Variants in PCCB observed in about 807,000 individuals in gnomAD.
The protein encoded by PCCB is propionyl-CoA carboxylase beta chain, mitochondrial.
Under a neutral mutation model 60.7 loss-of-function variants are expected in PCCB, and 43 were observed. The observed-to-expected ratio is 0.71, with a 90% CI of 0.55 to 0.91. The LOEUF is 0.91. Ranked by LOEUF, PCCB falls within the 40% of genes least tolerant of loss-of-function variation. The probability of loss-of-function intolerance (pLI) is 0.00; values close to 1 mark genes in which losing one functional copy is unlikely to be tolerated. For missense variants in PCCB, 766 were observed against 702.8 expected, an observed-to-expected ratio of 1.09 and a Z score of -1.02; for synonymous variants, 276 against 255.9, an observed-to-expected ratio of 1.08 and a Z score of -0.75.
intron 5 of PCCB, among the ~76,000 whole-genome samples, chr3:136,269,639 A>C (rs974420593): frequency 6.6e-6 from 1 of 151,890 alleles, no homozygotes. Context: ...TGATCCCAGC[A>C]CTTTGGGAGG....
chr3:136,327,758 C>T, intron 13 of PCCB, 26 bp downstream of exon 13: 1 of 1,570,584 alleles, frequency 6.4e-7, no homozygotes, highest in Non-Finnish European at 8.8e-7. Context: ...TTTTCCCTTT[C>T]TGGGTCCAAG....
intron 9 of PCCB, among the ~76,000 whole-genome samples, chr3:136,307,804 T>C (rs1230008452): frequency 1.3e-5 from 2 of 151,714 alleles, no homozygotes; most frequent in Non-Finnish European, 1.5e-5. Flanking sequence ...GGAGAAACCC[T>C]ATCTCTACTG....
At chr3:136,318,953 G>C (rs1935011001) in intron 10 of PCCB, among the ~76,000 whole-genome samples, 1 of 152,184 alleles carries the variant, frequency 6.6e-6, no homozygotes, top group African/African-American at 2.4e-5. Context: ...ACTGGGTTAT[G>C]TGGTAATTCT....
chr3:136,281,525 GT>G (rs1435965064), intron 5 of PCCB, among the ~76,000 whole-genome samples: 1 of 151,894 alleles, frequency 6.6e-6, no homozygotes, highest in African/African-American at 2.4e-5. Context: ...ATTTCCTGTA[GT>G]TTTTTCCCCC....
In PCCB at chr3:136,330,032, T is replaced by C; in HGVS notation, c.*6T>C. The C allele has an allele frequency of 1.2e-6, 2 of 1,613,962 alleles. No homozygotes were observed. Among genetic ancestry groups the C allele is most frequent in the Non-Finnish European group, 1.7e-6 (2 of 1,179,920 alleles). ...ATGCAAATATTCCATTGTAAACAAA[T>C]CAAAGGAAAAGAAACCAAGAACTGA... On this transcript the variant is annotated 3_prime_UTR_variant, in exon 15 of 15. Coordinates refer to ENST00000251654, the MANE Select transcript of PCCB (RefSeq NM_000532.5).
At chr3:136,320,146 A>G (rs9853387) in intron 10 of PCCB, among the ~76,000 whole-genome samples, 56,672 of 151,998 alleles carry the variant, frequency 0.37, 11,669 homozygotes, top group African/African-American at 0.55. Flanking sequence ...TTCCAACTTT[A>G]TTGTTGTTCT....
chr3:136,288,063 G>A lies in PCCB; in HGVS notation c.654+4116G>A, dbSNP rs146875053. On this transcript the variant is annotated intron_variant, in intron 6 of 14. Coordinates refer to ENST00000251654, the MANE Select transcript of PCCB (RefSeq NM_000532.5). The stretch of plus-strand genomic sequence containing the variant: ...TAATTGTGCCAGTTTGATGCTTGTG[G>A]TATAGTCTCTTATTGTGTTGTCAAT... Among the ~76,000 whole-genome samples, 85 of 152,262 alleles carry A rather than the reference G, an allele frequency of 5.6e-4. No individual in the cohort carries two copies. The Middle Eastern group carries it at 0.01, about 18-fold the overall frequency.
At chr3:136,280,792 C>T (rs1183889618) in intron 5 of PCCB, among the ~76,000 whole-genome samples, 1 of 152,212 alleles carries the variant, frequency 6.6e-6, no homozygotes, top group Non-Finnish European at 1.5e-5. Context: ...TTCTGAGTAG[C>T]TAGTAGAACA....
intron 1 of PCCB, chr3:136,251,117 G>A (rs992487668): frequency 1.0e-4 from 44 of 429,474 alleles, no homozygotes; most frequent in Admixed American, 2.0e-4. Flanking sequence ...AGCATGCCTC[G>A]CCTTGATGGG....
At chr3:136,277,370 G>A (rs182578509) in intron 5 of PCCB, among the ~76,000 whole-genome samples, 16 of 152,276 alleles carry the variant, frequency 1.1e-4, no homozygotes, top group African/African-American at 2.6e-4. Context: ...TGGAGGTAGC[G>A]TTTACAAAAG....
chr3:136,252,900 TTTG>T (rs1941555454), intron 1 of PCCB, among the ~76,000 whole-genome samples: 1 of 82,982 alleles, frequency 1.2e-5, no homozygotes, highest in Non-Finnish European at 2.5e-5. Context: ...TTGCCTGTTT[TTTG>T]TTTTGTTTTT....
chr3:136,270,162 T>C (rs529151779), intron 5 of PCCB, among the ~76,000 whole-genome samples: 22 of 152,340 alleles, frequency 1.4e-4, no homozygotes, highest in Non-Finnish European at 2.8e-4. Flanking sequence ...ATATGGTATG[T>C]AACATTACTG....
intron 4 of PCCB, among the ~76,000 whole-genome samples, chr3:136,261,533 C>G (rs568663029): frequency 6.6e-6 from 1 of 152,074 alleles, no homozygotes; most frequent in African/African-American, 2.4e-5. Context: ...AAAGCAGGCC[C>G]GGGCCTGCCC....
At position 136,266,037 on chromosome 3, in the gene PCCB, G is replaced by A. The variant is rs773789228; in HGVS notation, c.543+3972G>A. ...AGACTGGGTTTCACCATGTTAGCTA[G>A]GATGGTCTCGATCTCCTGACCTCGT... On this transcript the variant is annotated intron_variant, in intron 5 of 14. Coordinates refer to ENST00000251654, the MANE Select transcript of PCCB (RefSeq NM_000532.5). Among the ~76,000 whole-genome samples the A allele has an allele frequency of 1.1e-3, 161 of 152,006 alleles. No homozygotes were observed. In the Middle Eastern group the frequency reaches 0.02, roughly 19 times the overall value.
At chr3:136,329,797 C>G (rs1277437730) in intron 14 of PCCB, 108 bp from the exon 15 acceptor site, 7 of 1,226,140 alleles carry the variant, frequency 5.7e-6, no homozygotes, top group African/African-American at 1.5e-5. Flanking sequence ...AGGTTGGGCA[C>G]TGCTTATACT....
intron 1 of PCCB, among the ~76,000 whole-genome samples, chr3:136,253,989 T>C (rs1941596465): frequency 6.6e-6 from 1 of 152,026 alleles, no homozygotes; most frequent in Non-Finnish European, 1.5e-5. Flanking sequence ...TGTTGCCAAG[T>C]TGGTTTCCTA....
intron 9 of PCCB, among the ~76,000 whole-genome samples, chr3:136,312,442 G>C (rs1434168534): frequency 6.6e-6 from 1 of 152,182 alleles, no homozygotes; most frequent in Non-Finnish European, 1.5e-5. Flanking sequence ...GTTTGTCATT[G>C]ACCAGAACCT....
At chr3:136,325,774 A>G (rs1013298046) in intron 10 of PCCB, among the ~76,000 whole-genome samples, 3 of 152,108 alleles carry the variant, frequency 2.0e-5, no homozygotes, top group African/African-American at 7.2e-5. Flanking sequence ...ACATGCTGAA[A>G]TCAACCTTGA....
intron 1 of PCCB, among the ~76,000 whole-genome samples, chr3:136,253,800 G>A (rs550184518): frequency 3.3e-5 from 5 of 150,682 alleles, no homozygotes; most frequent in Admixed American, 2.7e-4. Context: ...CTCCTACCCT[G>A]CTAGTTATTT....
Sources: gnomAD v4.1 joint callset for allele counts (sites outside exome capture counted in the v4.1 genomes callset) on GRCh38, gnomAD v4.1.1 for gene constraint, MANE v1.5 for transcripts, NCBI Gene and HGNC (gene_info 2026-07-23, HGNC 2026-07-21) for gene names.